Variants in EVC2 observed in about 807,000 individuals in gnomAD.
The protein encoded by EVC2 is EvC ciliary complex subunit 2.
A neutral mutation model predicts 149.3 loss-of-function variants in EVC2; 148 were observed. The ratio of observed to expected loss-of-function variants is 0.99; its 90% confidence interval spans 0.87 to 1.14. The LOEUF (loss-of-function observed/expected upper bound fraction) is 1.14, where lower values mean the gene tolerates loss of function less well. Among genes scored for constraint, EVC2 ranks in the 50% most tolerant of loss-of-function variants. The pLI is 0.00. For synonymous variants in EVC2, 776 were observed against 649.9 expected (o/e 1.19, Z -2.95); for missense variants, 1,854 against 1,627.3 (o/e 1.14, Z -2.40).
In EVC2 at chr4:5,706,437, G is replaced by C. The variant is rs201227783; in HGVS notation, c.228+1849C>G. 4.9e-3 allele frequency among the ~76,000 whole-genome samples: 199 copies of C among 40,972 alleles called. 40 individuals carry two copies. The highest frequency in any genetic ancestry group is 0.019 in the Middle Eastern group (1 of 54). 26.9% of individuals were successfully genotyped at this position (40,972 alleles called of 152,430 possible). A position where few individuals can be genotyped will look rare whatever the true frequency, so the allele number is the denominator to read the frequency against. Reference sequence around the variant, plus strand: ...ACATAGATAGATAGATACATAGATAGATAGATAGATACATACATACATACA... The same window carrying C: ...ACATAGATAGATAGATACATAGATACATAGATAGATACATACATACATACA... On this transcript the variant is annotated intron_variant, in intron 1 of 21. Transcript: ENST00000344408.
intron 10 of EVC2, 22 bp from the exon 11 acceptor site, chr4:5,632,054 C>G: frequency 6.2e-7 from 1 of 1,613,094 alleles, no homozygotes; most frequent in Non-Finnish European, 8.5e-7. Context: ...AAAGGGAGAG[C>G]GTGAGAAACT....
chr4:5,586,676 T>C (rs936852189), intron 16 of EVC2, among the ~76,000 whole-genome samples: 1 of 152,238 alleles, frequency 6.6e-6, no homozygotes, highest in Non-Finnish European at 1.5e-5. Context: ...CAGATGTTCC[T>C]TTCTATTGAC....
intron 9 of EVC2, among the ~76,000 whole-genome samples, chr4:5,661,928 G>A (rs1718903189): frequency 6.6e-6 from 1 of 152,190 alleles, no homozygotes; most frequent in South Asian, 2.1e-4. Context: ...GATTATACGA[G>A]TTAGTTCTGT....
At chr4:5,605,885 C>A (rs964419966) in intron 16 of EVC2, among the ~76,000 whole-genome samples, 1 of 152,206 alleles carries the variant, frequency 6.6e-6, no homozygotes, top group Non-Finnish European at 1.5e-5. Flanking sequence ...TCAGGTCAAC[C>A]GTATCCTTGC....
chr4:5,692,170 G>A lies in EVC2; in HGVS notation c.451-837C>T, dbSNP rs570656101. On this transcript the variant is annotated intron_variant, in intron 3 of 21. Transcript: ENST00000344408. ...GCAGCTCTCAGTGATATTCATAATC[G>A]TATGTTTTGTATATTTTTTATTTAT... Among the ~76,000 whole-genome samples the A allele has an allele frequency of 1.8e-4, 28 of 152,262 alleles. No homozygotes were observed. In the South Asian group the frequency reaches 5.4e-3, roughly 29 times the overall value.
At position 5,614,110 on chromosome 4, in the gene EVC2, G is replaced by C. The variant is rs369161468; in HGVS notation, c.2829+1312C>G. On this transcript the variant is annotated intron_variant, in intron 16 of 21. Coordinates refer to ENST00000344408, the MANE Select transcript of EVC2 (RefSeq NM_147127.5). This position sits in a 1 kb window ranked among gnomAD's most constrained non-coding sequence, Gnocchi z 4.7. ...CCTTTGCAGGGTGCTGGGGAAGGCAGACAGACACTCAGGCTGCGGTCACAC... is the reference window on the plus strand; with the variant it reads ...CCTTTGCAGGGTGCTGGGGAAGGCACACAGACACTCAGGCTGCGGTCACAC... 1.3e-5 allele frequency among the ~76,000 whole-genome samples: 2 copies of C among 152,184 alleles called. No homozygotes were observed. The highest frequency in any genetic ancestry group is 4.1e-4 in the South Asian group (2 of 4,822).
chr4:5,704,574 G>A (rs999968124), intron 1 of EVC2, among the ~76,000 whole-genome samples: 1 of 152,146 alleles, frequency 6.6e-6, no homozygotes, highest in Non-Finnish European at 1.5e-5. Context: ...CACCAAGGGT[G>A]TGAGTACTGA....
chr4:5,565,591 T>G (rs1722227624), intron 20 of EVC2, among the ~76,000 whole-genome samples: 1 of 150,654 alleles, frequency 6.6e-6, no homozygotes, highest in Non-Finnish European at 1.5e-5. Context: ...AAGAATCGCT[T>G]GAACCCAGGA....
rs375595646 is a variant in EVC2, at chr4:5,650,638, T to TAGAG, written c.1146-9804_1146-9801dup. 5.2e-3 allele frequency among the ~76,000 whole-genome samples: 233 copies of TAGAG among 45,068 alleles called. 5 individuals carry two copies. The highest frequency in any genetic ancestry group is 6.2e-3 in the Non-Finnish European group (155 of 25,104). 29.6% of individuals were successfully genotyped at this position (45,068 alleles called of 152,430 possible). A position where few individuals can be genotyped will look rare whatever the true frequency, so the allele number is the denominator to read the frequency against. On this transcript the variant is annotated intron_variant, in intron 9 of 21. Coordinates refer to ENST00000344408, the MANE Select transcript of EVC2 (RefSeq NM_147127.5). Reference sequence around the variant, plus strand: ...ATATATATATATATATATATATATATAGAGAGAGAGAGAGAGAGAGAGAGA... The same window carrying TAGAG: ...ATATATATATATATATATATATATATAGAGAGAGAGAGAGAGAGAGAGAGAGAGA...
At chr4:5,559,174 C>CT (rs1721893600), downstream of EVC2, among the ~76,000 whole-genome samples, 1 of 152,118 alleles carries the variant, frequency 6.6e-6, no homozygotes, top group South Asian at 2.1e-4. This position sits in a 1 kb window ranked among gnomAD's most constrained non-coding sequence, Gnocchi z 5.0. Context: ...GTACACTGCA[C>CT]TCCAGCCTGG....
At chr4:5,584,942 G>A in intron 16 of EVC2, 92 bp from the exon 17 acceptor site, 1 of 1,355,934 alleles carries the variant, frequency 7.4e-7, no homozygotes, top group Non-Finnish European at 1.0e-6. Context: ...TCACAGACCT[G>A]GGATTCTGAG....
rs142130861 is a variant in EVC2, at chr4:5,613,669, TG to T, written c.2829+1752del. 0.098 allele frequency among the ~76,000 whole-genome samples: 14,886 copies of T among 152,140 alleles called. 1,415 individuals are homozygous for T. Among genetic ancestry groups the T allele is most frequent in the African/African-American group, 0.25 (10,160 of 41,422 alleles). On this transcript the variant is annotated intron_variant, in intron 16 of 21. Coordinates refer to ENST00000344408, the MANE Select transcript of EVC2 (RefSeq NM_147127.5). The surrounding 1 kb of genome is among the most constrained non-coding windows in gnomAD (Gnocchi z 4.6). Reference sequence around the variant, plus strand: ...CCCTAGTGACACTGTGATTGCTTGATGGAGTTTGTTTAATACTCAGGTAGTT... The same window carrying T: ...CCCTAGTGACACTGTGATTGCTTGATGAGTTTGTTTAATACTCAGGTAGTT...
intron 21 of EVC2, among the ~76,000 whole-genome samples, chr4:5,553,231 A>G (rs535419224): frequency 6.6e-6 from 1 of 152,258 alleles, no homozygotes; most frequent in African/African-American, 2.4e-5. Flanking sequence ...CAGGAGCAGG[A>G]GCAAGTGGAG....
intron 6 of EVC2, among the ~76,000 whole-genome samples, chr4:5,685,132 A>G (rs1720606843): frequency 6.6e-6 from 1 of 152,214 alleles, no homozygotes; most frequent in Admixed American, 6.5e-5. Flanking sequence ...TATCCTTATG[A>G]TAACCTCATG....
intron 9 of EVC2, among the ~76,000 whole-genome samples, chr4:5,662,358 A>G (rs1161707236): frequency 1.3e-5 from 2 of 151,666 alleles, no homozygotes; most frequent in African/African-American, 4.8e-5. Context: ...GAGTTTACCT[A>G]TATAACAAAC....
Position 5,676,991 on chromosome 4 carries a change from G to A in EVC2, c.870+4269C>T, listed in dbSNP as rs148425689. ...CACTTATAGCACCTGTGTAGCCCCC[G>A]TGGGCATTGGGGCATGAGGCCCTGA... On this transcript the variant is annotated intron_variant, in intron 7 of 21. Transcript: ENST00000344408. Among the ~76,000 whole-genome samples, 276 of 152,208 alleles carry A rather than the reference G, an allele frequency of 1.8e-3. 1 individual carries two copies. The highest frequency in any genetic ancestry group is 3.4e-3 in the Middle Eastern group (1 of 294).
chr4:5,596,351 G>T (rs995818561), intron 16 of EVC2, among the ~76,000 whole-genome samples: 3 of 152,120 alleles, frequency 2.0e-5, no homozygotes, highest in Admixed American at 2.0e-4. Context: ...TAAAAGATCA[G>T]ACATTATAAC....
chr4:5,569,152 T>C lies in EVC2; in HGVS notation c.3361-512A>G, dbSNP rs1350196751. On this transcript the variant is annotated intron_variant, in intron 19 of 21. Coordinates refer to ENST00000344408, the MANE Select transcript of EVC2 (RefSeq NM_147127.5). The surrounding 1 kb of genome is among the most constrained non-coding windows in gnomAD (Gnocchi z 4.8). Reference sequence around the variant, plus strand: ...AGTGGAAACAGCCAGTCTCCAAAGGTCACGTGCTGCGTGATTCCATGCATG... The same window carrying C: ...AGTGGAAACAGCCAGTCTCCAAAGGCCACGTGCTGCGTGATTCCATGCATG... 6.6e-6 allele frequency among the ~76,000 whole-genome samples: 1 copy of C among 152,082 alleles called. No homozygotes were observed. Among genetic ancestry groups the C allele is most frequent in the Non-Finnish European group, 1.5e-5 (1 of 68,022 alleles).
chr4:5,565,338 T>G lies in EVC2; in HGVS notation c.3579A>C (p.Gln1193His), dbSNP rs1346353134. 1 of 1,613,972 alleles carries G rather than the reference T, an allele frequency of 6.2e-7. No homozygotes were observed. The highest frequency in any genetic ancestry group is 1.3e-5 in the African/African-American group (1 of 74,900). Residue 1193 changes from glutamine (Q) to histidine (H), a missense_variant, in exon 21 of 22, where the codon CAA becomes CAC. By Grantham distance (24) the Gln-to-His change is conservative (BLOSUM62 0). Coordinates refer to ENST00000344408, the MANE Select transcript of EVC2 (RefSeq NM_147127.5). The stretch of plus-strand genomic sequence containing the variant: ...CTCCTCGCAGTTTGCCATCTAAGGC[T>G]TGCCACCAGCTCTGGTGTTTCCTGC... ...GRRRKHQSWW[Q>H]ALDGKLRGDL...
Sources: allele counts gnomAD v4.1 joint callset (sites outside exome capture counted in the v4.1 genomes callset), GRCh38; gene constraint gnomAD v4.1.1; non-coding constraint Gnocchi (gnomAD v3.1); transcripts MANE v1.5; gene names NCBI Gene and HGNC (gene_info 2026-07-23, HGNC 2026-07-21).